The following ANKFY1 variants were observed in gnomAD, a reference collection of about 807,000 sequenced individuals.
ANKFY1 encodes ankyrin repeat and FYVE domain containing 1, also known as ankyrin repeat and FYVE domain-containing protein 1.
ANKFY1 carries 47 observed loss-of-function variants against 128.3 expected under a neutral mutation model. That is an observed-to-expected ratio of 0.37 (90% CI 0.29 to 0.47). ANKFY1 has a LOEUF of 0.47. Ranked by LOEUF, ANKFY1 falls within the 20% of genes least tolerant of loss-of-function variation. The probability of loss-of-function intolerance (pLI) is 1.00; values close to 1 mark genes in which losing one functional copy is unlikely to be tolerated. For synonymous variants in ANKFY1, 553 were observed against 601.6 expected (o/e 0.92, Z 1.18); for missense variants, 1,222 against 1,510.6 (o/e 0.81, Z 3.17).
At chr17:4,189,550 T>C in intron 10 of ANKFY1, 71 bp from the exon 11 acceptor site, 1 of 1,330,302 alleles carries the variant, frequency 7.5e-7, no homozygotes, top group Non-Finnish European at 1.0e-6. Flanking sequence ...AACACCCTGC[T>C]CTTCCCTGCC....
intron 11 of ANKFY1, 113 bp downstream of exon 11, chr17:4,189,269 A>C (rs1423679313): frequency 7.5e-6 from 6 of 795,626 alleles, no homozygotes; most frequent in Non-Finnish European, 1.2e-5. Context: ...TGCATGTATT[A>C]TTCTGATTAA....
At chr17:4,182,559 C>G (rs1317832444) in intron 14 of ANKFY1, among the ~76,000 whole-genome samples, 1 of 152,202 alleles carries the variant, frequency 6.6e-6, no homozygotes, top group Admixed American at 6.5e-5. Context: ...TTATTGCCCT[C>G]GGAGATAACA....
Position 4,182,921 on chromosome 17 carries a change from C to A in ANKFY1, c.1952+477G>T, listed in dbSNP as rs913613383. Among the ~76,000 whole-genome samples the A allele has an allele frequency of 4.6e-5, 7 of 152,244 alleles. No individual in the cohort carries two copies. The East Asian group carries it at 1.3e-3, about 29-fold the overall frequency. On this transcript the variant is annotated intron_variant, in intron 14 of 24. Coordinates refer to ENST00000341657, the MANE Select transcript of ANKFY1 (RefSeq NM_001330063.2). ...AGGAGTTCGAGACCAGCCTGGCCAA[C>A]ATGGTGAAACCCCGTCTCTACTAAA...
chr17:4,209,748 C>A (rs1261117658), intron 5 of ANKFY1, 76 bp downstream of exon 5: 1 of 1,495,480 alleles, frequency 6.7e-7, no homozygotes, highest in East Asian at 2.4e-5. Context: ...GGTCACTTTC[C>A]ATGGAACTAC....
rs1968565951 is a variant in ANKFY1, at chr17:4,263,917, A to C, written c.10+15T>G. Reference sequence around the variant, plus strand: ...GCTCCGTGTCTTCCCGCGCGGCTCCACAAAAAAACCCTACCTTCCGCCATG... The same window carrying C: ...GCTCCGTGTCTTCCCGCGCGGCTCCCCAAAAAAACCCTACCTTCCGCCATG... On this transcript the variant is annotated intron_variant, in intron 1 of 24. Coordinates refer to ENST00000341657, the MANE Select transcript of ANKFY1 (RefSeq NM_001330063.2). 1.2e-6 allele frequency: 2 copies of C among 1,613,732 alleles called. No individual in the cohort carries two copies. Among genetic ancestry groups the C allele is most frequent in the African/African-American group, 1.3e-5 (1 of 74,920 alleles).
intron 23 of ANKFY1, among the ~76,000 whole-genome samples, chr17:4,170,097 C>T (rs1466619047): frequency 1.3e-5 from 2 of 152,192 alleles, no homozygotes; most frequent in African/African-American, 4.8e-5. Flanking sequence ...TCCTTCAACC[C>T]GACTCCACCA....
Position 4,167,027 on chromosome 17 carries a change from G to T in ANKFY1, c.*752C>A, listed in dbSNP as rs1477698912. 13 of 152,606 alleles carry T rather than the reference G, an allele frequency of 8.5e-5. No homozygotes were observed. The highest frequency in any genetic ancestry group is 1.0e-4 in the Non-Finnish European group (7 of 68,030). The allele number at this position is 152,606 out of a possible 1,614,324, so 9.5% of individuals were successfully genotyped here. A position where few individuals can be genotyped will look rare whatever the true frequency, so the allele number is the denominator to read the frequency against. On this transcript the variant is annotated 3_prime_UTR_variant, in exon 25 of 25. Transcript: ENST00000341657. This position sits in a 1 kb window ranked among gnomAD's most constrained non-coding sequence, Gnocchi z 4.1. ...GCATTTCCTCCAGCACTCTCCAACA[G>T]CAGAGTGACTGAGGACTCCACAGAC...
chr17:4,210,041 T>A, intron 4 of ANKFY1, 94 bp from the exon 5 acceptor site: 1 of 1,239,250 alleles, frequency 8.1e-7, no homozygotes, highest in South Asian at 1.5e-5. Flanking sequence ...GCTGGCTATG[T>A]CCTATTAATA....
At position 4,182,240 on chromosome 17, in the gene ANKFY1, C is replaced by A; in HGVS notation, c.2062G>T (p.Gly688Trp). 1.3e-6 allele frequency: 2 copies of A among 1,585,222 alleles called. No individual in the cohort carries two copies. The highest frequency in any genetic ancestry group is 1.7e-6 in the Non-Finnish European group (2 of 1,163,676). ...AATGCAAGCCACAGCGGGGGGTTCCCCTTCTCATCTGGCACAGACATGTCA... is the reference window on the plus strand; with the variant it reads ...AATGCAAGCCACAGCGGGGGGTTCCACTTCTCATCTGGCACAGACATGTCA... ...GADMSVPDEK[G>W]NPPLWLALAN... The change falls in exon 15 of 25, where the codon GGG becomes TGG. Residue 688 changes from glycine (G) to tryptophan (W), a missense_variant. By Grantham distance (184) the Gly-to-Trp change is radical (BLOSUM62 -2). Transcript: ENST00000341657.
At chr17:4,202,207 A>AGCC (rs1444356112) in intron 7 of ANKFY1, among the ~76,000 whole-genome samples, 1 of 150,488 alleles carries the variant, frequency 6.6e-6, no homozygotes, top group Admixed American at 6.6e-5. Context: ...GTTTGAGACC[A>AGCC]GCCTGGCCAA....
chr17:4,210,708 CAA>C (rs371731375), intron 4 of ANKFY1, among the ~76,000 whole-genome samples: 157 of 42,418 alleles, frequency 3.7e-3, no homozygotes, highest in African/African-American at 0.017. Context: ...AACTCTGTCG[CAA>C]AAAAAAAAAA....
At chr17:4,195,272 T>C in intron 9 of ANKFY1, 95 bp from the exon 10 acceptor site, 4 of 1,354,796 alleles carry the variant, frequency 3.0e-6, no homozygotes, top group Non-Finnish European at 4.0e-6. Context: ...CCTTTTTCAA[T>C]GACACATTTT....
At chr17:4,214,126 C>T (rs2060182319) in intron 4 of ANKFY1, among the ~76,000 whole-genome samples, 1 of 152,248 alleles carries the variant, frequency 6.6e-6, no homozygotes. Flanking sequence ...TAATAACTCA[C>T]ATTTGCAGAG....
Position 4,167,653 on chromosome 17 carries a change from A to C in ANKFY1, c.*126T>G. The C allele has an allele frequency of 1.1e-6, 1 of 915,718 alleles. No homozygotes were observed. The highest frequency in any genetic ancestry group is 2.2e-5 in the South Asian group (1 of 45,726). 56.7% of individuals were successfully genotyped at this position (915,718 alleles called of 1,614,324 possible). On this transcript the variant is annotated 3_prime_UTR_variant, in exon 25 of 25. Transcript: ENST00000341657. The surrounding 1 kb of genome is among the most constrained non-coding windows in gnomAD (Gnocchi z 4.1). ...GGGATCTATCACACCATGGTCCTTA[A>C]TCGTTCCAGTCTATTGCCGCAGGAA...
intron 3 of ANKFY1, among the ~76,000 whole-genome samples, chr17:4,233,914 C>T (rs928325961): frequency 2.6e-5 from 4 of 152,204 alleles, no homozygotes; most frequent in African/African-American, 9.7e-5. Flanking sequence ...ACAATCACTT[C>T]GGCAAGTCCA....
chr17:4,212,944 T>C (rs1235509535), intron 4 of ANKFY1, among the ~76,000 whole-genome samples: 8 of 151,334 alleles, frequency 5.3e-5, no homozygotes, highest in Non-Finnish European at 1.0e-4. Context: ...CTAATTTTTG[T>C]ATTTTTTTTT....
At chr17:4,254,398 T>C (rs1026741896) in intron 1 of ANKFY1, among the ~76,000 whole-genome samples, 3 of 151,630 alleles carry the variant, frequency 2.0e-5, no homozygotes, top group East Asian at 3.9e-4. Context: ...AGAGAGAAAT[T>C]TGAAGATGCT....
chr17:4,212,027 A>G (rs912877185), intron 4 of ANKFY1, among the ~76,000 whole-genome samples: 1 of 152,218 alleles, frequency 6.6e-6, no homozygotes, highest in Non-Finnish European at 1.5e-5. Context: ...ATGGCATTGG[A>G]AAGACCACAC....
At position 4,181,472 on chromosome 17, in the gene ANKFY1, G is replaced by A; in HGVS notation, c.2122-100C>T. ...ATGTATAGCATTAAATCCACTTTCA[G>A]ATAAGATACGGTTGATAATAAATTG... On this transcript the variant is annotated intron_variant, in intron 15 of 24. Transcript: ENST00000341657. This position sits in a 1 kb window ranked among gnomAD's most constrained non-coding sequence, Gnocchi z 4.9. 1.3e-6 allele frequency: 1 copy of A among 764,050 alleles called. No individual in the cohort carries two copies. The highest frequency in any genetic ancestry group is 1.5e-5 in the South Asian group (1 of 65,750). The allele number at this position is 764,050 out of a possible 1,614,324, so 47.3% of individuals were successfully genotyped here. A position where few individuals can be genotyped will look rare whatever the true frequency, so the allele number is the denominator to read the frequency against.
Sources: allele counts gnomAD v4.1 joint callset (sites outside exome capture counted in the v4.1 genomes callset), GRCh38; gene constraint gnomAD v4.1.1; non-coding constraint Gnocchi (gnomAD v3.1); transcripts MANE v1.5; gene names NCBI Gene and HGNC (gene_info 2026-07-23, HGNC 2026-07-21).